CD82: variants seen among roughly 807,000 people sequenced by gnomAD.
The protein encoded by CD82 is CD82 antigen.
Under a neutral mutation model 37.4 loss-of-function variants are expected in CD82, and 36 were observed. That is an observed-to-expected ratio of 0.96 (90% confidence interval 0.74 to 1.27). The LOEUF (loss-of-function observed/expected upper bound fraction) is 1.27, where lower values mean the gene tolerates loss of function less well. CD82 is among the 50% of genes most tolerant of loss of function. CD82 has a pLI of 0.00. For synonymous variants in CD82, 158 were observed against 137.4 expected (o/e 1.15, Z -1.05); for missense variants, 340 against 347.0 (o/e 0.98, Z 0.16).
intron 1 of CD82, among the ~76,000 whole-genome samples, chr11:44,575,208 A>T (rs1215477698): frequency 6.6e-6 from 1 of 152,170 alleles, no homozygotes; most frequent in Non-Finnish European, 1.5e-5. Flanking sequence ...AGAGAAGGAG[A>T]TGGAGAAAGG....
intron 1 of CD82, among the ~76,000 whole-genome samples, chr11:44,572,422 C>A (rs1413328922): frequency 6.6e-6 from 1 of 152,194 alleles, no homozygotes; most frequent in Non-Finnish European, 1.5e-5. Flanking sequence ...AAAAAACATA[C>A]CACACATATT....
intron 6 of CD82, among the ~76,000 whole-genome samples, chr11:44,607,245 A>G (rs1189480053): frequency 6.6e-6 from 1 of 152,274 alleles, no homozygotes; most frequent in African/African-American, 2.4e-5. Context: ...TCACAAGACA[A>G]GATACTCTTG....
chr11:44,612,701 C>T (rs1192088814), intron 6 of CD82, among the ~76,000 whole-genome samples: 6 of 124,588 alleles, frequency 4.8e-5, no homozygotes, highest in East Asian at 5.2e-4. Context: ...GGCGTGATCT[C>T]GGCTCACTGC....
chr11:44,604,131 G>A (rs997087455), intron 4 of CD82, among the ~76,000 whole-genome samples: 5 of 152,110 alleles, frequency 3.3e-5, no homozygotes, highest in Non-Finnish European at 7.3e-5. Flanking sequence ...TATCTTCATG[G>A]CGCCCAACAC....
chr11:44,572,606 C>T (rs887953334), intron 1 of CD82, among the ~76,000 whole-genome samples: 3 of 141,392 alleles, frequency 2.1e-5, no homozygotes, highest in African/African-American at 5.5e-5. Flanking sequence ...TCCGCAGCCG[C>T]CCAGGCTGGG....
In CD82 at chr11:44,590,610, C is replaced by CAAA. The variant is rs56665683; in HGVS notation, c.-21+3072_-21+3074dup. On this transcript the variant is annotated intron_variant, in intron 2 of 9. Transcript: ENST00000227155. ...TGGGCAACAGAGGGAGATTCTGTCT[C>CAAA]AAAAAAAAAAAAAAAAAAAAGATGA... 1.8e-3 allele frequency among the ~76,000 whole-genome samples: 60 copies of CAAA among 33,456 alleles called. 7 individuals carry two copies. Among genetic ancestry groups the CAAA allele is most frequent in the African/African-American group, 4.9e-3 (47 of 9,586 alleles). The allele number at this position is 33,456 out of a possible 152,430, so 21.9% of individuals were successfully genotyped here. A position where few individuals can be genotyped will look rare whatever the true frequency, so the allele number is the denominator to read the frequency against.
chr11:44,610,824 T>G (rs1226185439), intron 6 of CD82, among the ~76,000 whole-genome samples: 1 of 152,052 alleles, frequency 6.6e-6, no homozygotes, highest in Non-Finnish European at 1.5e-5. Context: ...GTTGCTGTAT[T>G]GAAATTCTTT....
At chr11:44,590,331 G>A (rs191248519) in intron 2 of CD82, among the ~76,000 whole-genome samples, 8 of 151,514 alleles carry the variant, frequency 5.3e-5, no homozygotes, top group East Asian at 3.9e-4. Context: ...AATCTGGGCC[G>A]GGCACAGTGG....
chr11:44,585,128 C>A, intron 1 of CD82: 2 of 452,612 alleles, frequency 4.4e-6, no homozygotes, highest in Non-Finnish European at 8.9e-6. Flanking sequence ...CAGCCTGGTC[C>A]TACTTCTCCC....
At chr11:44,601,074 C>T (rs1029329526) in intron 4 of CD82, among the ~76,000 whole-genome samples, 1 of 136,280 alleles carries the variant, frequency 7.3e-6, no homozygotes, top group Non-Finnish European at 1.6e-5. Flanking sequence ...GCCTGCCACG[C>T]TGACTTCTCA....
chr11:44,590,230 A>AG (rs60765150), intron 2 of CD82, among the ~76,000 whole-genome samples: 137,994 of 152,158 alleles, frequency 0.91, 62,624 homozygotes, highest in South Asian at 0.95. Flanking sequence ...ATAGACCAGT[A>AG]GGCATGGCTG....
chr11:44,592,153 G>A (rs561021976), intron 2 of CD82, among the ~76,000 whole-genome samples: 1 of 152,270 alleles, frequency 6.6e-6, no homozygotes, highest in East Asian at 1.9e-4. Context: ...GCCCTTTGCT[G>A]AATGCCCCAC....
At position 44,619,318 on chromosome 11, in the gene CD82, C is replaced by G; in HGVS notation, c.*192C>G. 1.7e-6 allele frequency: 1 copy of G among 590,428 alleles called. No homozygotes were observed. 36.6% of individuals were successfully genotyped at this position (590,428 alleles called of 1,614,324 possible). On this transcript the variant is annotated 3_prime_UTR_variant, in exon 10 of 10. Coordinates refer to ENST00000227155, the MANE Select transcript of CD82 (RefSeq NM_002231.4). ...ATCCGCTGCCAGCCTTGAGCCCTGG[C>G]TGTTCTGTGGTTCCTCTGCTCACCG...
At chr11:44,596,743 G>A (rs767166776) in intron 3 of CD82, 4 of 370,550 alleles carry the variant, frequency 1.1e-5, no homozygotes, top group Non-Finnish European at 2.2e-5. Context: ...GGAGGAGGCA[G>A]AACGGGCTTG....
intron 4 of CD82, 134 bp downstream of exon 4, chr11:44,600,364 G>A: frequency 1.3e-6 from 1 of 798,216 alleles, no homozygotes; most frequent in Non-Finnish European, 2.1e-6. Context: ...GATGTGGCGA[G>A]GTCCTGCTGC....
rs56665683 is a variant in CD82 at position 44,590,610 on chromosome 11, C to CAAAAAAAAAAAAAAAAAAAAAAAAA, written c.-21+3074_-21+3075insAAAAAAAAAAAAAAAAAAAAAAAAA. 1.2e-4 allele frequency among the ~76,000 whole-genome samples: 4 copies of CAAAAAAAAAAAAAAAAAAAAAAAAA among 33,454 alleles called. 1 individual carries two copies. Among genetic ancestry groups the CAAAAAAAAAAAAAAAAAAAAAAAAA allele is most frequent in the Non-Finnish European group, 2.1e-4 (4 of 18,894 alleles). The allele number at this position is 33,454 out of a possible 152,430, so 21.9% of individuals were successfully genotyped here. A position where few individuals can be genotyped will look rare whatever the true frequency, so the allele number is the denominator to read the frequency against. ...TGGGCAACAGAGGGAGATTCTGTCT[C>CAAAAAAAAAAAAAAAAAAAAAAAAA]AAAAAAAAAAAAAAAAAAAAGATGA... On this transcript the variant is annotated intron_variant, in intron 2 of 9. Transcript: ENST00000227155.
chr11:44,618,319 G>A lies in CD82; in HGVS notation c.596G>A (p.Arg199Lys). ...GGCTTCTGCGAGGCCCCCGGCAACA[G>A]GACCCAGAGTGGCAACCACCCTGAG... is the stretch of plus-strand genomic sequence containing the variant. ...RKGFCEAPGN[R>K]TQSGNHPEDW... Residue 199 changes from arginine (R) to lysine (K), a missense_variant, in exon 8 of 10, where the codon AGG becomes AAG. Transcript: ENST00000227155. The A allele has an allele frequency of 6.2e-7, 1 of 1,613,800 alleles. No homozygotes were observed. The highest frequency in any genetic ancestry group is 8.5e-7 in the Non-Finnish European group (1 of 1,180,026).
intron 5 of CD82, 42 bp from the exon 6 acceptor site, chr11:44,605,313 C>G: frequency 1.2e-6 from 2 of 1,612,030 alleles, no homozygotes; most frequent in East Asian, 4.5e-5. Flanking sequence ...TGCACCTGGT[C>G]GGGGACCCTC....
chr11:44,582,679 T>A (rs1348990901), intron 1 of CD82, among the ~76,000 whole-genome samples: 1 of 152,190 alleles, frequency 6.6e-6, no homozygotes, highest in African/African-American at 2.4e-5. Flanking sequence ...GGCTGACCCC[T>A]GAGACCCCAC....
Sources: gnomAD v4.1 joint callset for allele counts (sites outside exome capture counted in the v4.1 genomes callset) on GRCh38, gnomAD v4.1.1 for gene constraint, MANE v1.5 for transcripts, NCBI Gene and HGNC (gene_info 2026-07-23, HGNC 2026-07-21) for gene names.